SGCZ: variants seen among roughly 807,000 people sequenced by gnomAD.
SGCZ encodes the protein sarcoglycan zeta, also known as zeta-sarcoglycan.
In SGCZ, 40 loss-of-function variants were observed where a neutral mutation model predicts 41.3. The ratio of observed to expected loss-of-function variants is 0.97; its 90% CI spans 0.75 to 1.26. The LOEUF is 1.26. Among genes scored for constraint, SGCZ ranks in the 50% most tolerant of loss-of-function variants. The pLI, the probability that SGCZ is intolerant of heterozygous loss-of-function variation, is 0.00. For missense variants in SGCZ, 552 were observed against 369.8 expected (o/e 1.49, Z -4.04); for synonymous variants, 206 against 137.5 (o/e 1.50, Z -3.49).
At position 14,319,641 on chromosome 8, in the gene SGCZ, C is replaced by T. The variant is rs537015533; in HGVS notation, c.336+4462G>A. On this transcript the variant is annotated intron_variant, in intron 3 of 7. Transcript: ENST00000382080. ...TCCATAATATAAAGAAGACCACAGA[C>T]GATGAGTAACTGTAGCCATTTATAT... 15 of 152,074 alleles carry T rather than the reference C, an allele frequency of 9.9e-5. No homozygotes were observed. In the South Asian group the frequency reaches 2.1e-3, roughly 21 times the overall value. The allele number at this position is 152,074 out of a possible 1,614,324, so 9.4% of individuals were successfully genotyped here. A position where few individuals can be genotyped will look rare whatever the true frequency, so the allele number is the denominator to read the frequency against.
At chr8:14,762,793 G>A (rs1487751099) in intron 1 of SGCZ, among the ~76,000 whole-genome samples, 1 of 152,110 alleles carries the variant, frequency 6.6e-6, no homozygotes, top group Non-Finnish European at 1.5e-5. Context: ...AAGAAGTATT[G>A]GGCAAGCAAA....
intron 1 of SGCZ, among the ~76,000 whole-genome samples, chr8:15,000,717 A>G (rs1436717900): frequency 6.6e-6 from 1 of 152,152 alleles, no homozygotes; most frequent in Non-Finnish European, 1.5e-5. Flanking sequence ...CACTATGTAA[A>G]CAATATACCC....
intron 2 of SGCZ, among the ~76,000 whole-genome samples, chr8:14,443,865 T>A (rs1363863149): frequency 6.6e-6 from 1 of 151,920 alleles, no homozygotes; most frequent in African/African-American, 2.4e-5. Flanking sequence ...AACATCAGAG[T>A]GAACAGGCAA....
intron 1 of SGCZ, among the ~76,000 whole-genome samples, chr8:14,636,582 G>A (rs772656087): frequency 1.3e-5 from 2 of 151,864 alleles, no homozygotes; most frequent in Admixed American, 6.6e-5. Context: ...GTGGGTTGTG[G>A]ATAAAAGCTC....
At chr8:14,700,509 C>T (rs1443017432) in intron 1 of SGCZ, among the ~76,000 whole-genome samples, 1 of 151,846 alleles carries the variant, frequency 6.6e-6, no homozygotes, top group Non-Finnish European at 1.5e-5. Context: ...CTGCTGAGTA[C>T]ATGCTCACTA....
At chr8:15,156,057 CAAA>C (rs67378130) in intron 1 of SGCZ, among the ~76,000 whole-genome samples, 11 of 110,900 alleles carry the variant, frequency 9.9e-5, no homozygotes, top group African/African-American at 1.5e-4. Flanking sequence ...GATTCCCTCT[CAAA>C]AAAAAAAAAA....
chr8:14,628,803 A>G (rs373121951), intron 1 of SGCZ, among the ~76,000 whole-genome samples: 1 of 152,096 alleles, frequency 6.6e-6, no homozygotes, highest in Non-Finnish European at 1.5e-5. Flanking sequence ...CAAACTTCTG[A>G]CTTAAAATAA....
chr8:14,941,404 G>A (rs117179560), intron 1 of SGCZ, among the ~76,000 whole-genome samples: 6,337 of 152,056 alleles, frequency 0.042, 203 homozygotes, highest in Admixed American at 0.074. Context: ...TTCATACAGC[G>A]AAATATTACG....
At chr8:14,864,114 A>G (rs1430886848) in intron 1 of SGCZ, among the ~76,000 whole-genome samples, 1 of 152,178 alleles carries the variant, frequency 6.6e-6, no homozygotes, top group African/African-American at 2.4e-5. Flanking sequence ...CTTGAACTAG[A>G]TGCTCATTTA....
intron 4 of SGCZ, among the ~76,000 whole-genome samples, chr8:14,231,756 T>A (rs1302298959): frequency 6.6e-6 from 1 of 152,162 alleles, no homozygotes; most frequent in Non-Finnish European, 1.5e-5. Flanking sequence ...TTCTCCCTAT[T>A]AAACAAAATG....
chr8:14,463,215 T>C (rs1800951630), intron 2 of SGCZ, among the ~76,000 whole-genome samples: 2 of 151,276 alleles, frequency 1.3e-5, no homozygotes, highest in African/African-American at 2.4e-5. Context: ...TGTTGAATAA[T>C]ATTAGAATGG....
At chr8:15,090,217 T>C (rs1333742819) in intron 1 of SGCZ, among the ~76,000 whole-genome samples, 1 of 152,204 alleles carries the variant, frequency 6.6e-6, no homozygotes, top group African/African-American at 2.4e-5. Flanking sequence ...ATTTTCCCAT[T>C]TACTCACATA....
chr8:15,033,112 G>A (rs1731159701), intron 1 of SGCZ, among the ~76,000 whole-genome samples: 1 of 151,922 alleles, frequency 6.6e-6, no homozygotes, highest in South Asian at 2.1e-4. Context: ...CTCAGGTCCA[G>A]GCCTGCTTTA....
intron 4 of SGCZ, among the ~76,000 whole-genome samples, chr8:14,213,047 T>C (rs1810223155): frequency 6.6e-6 from 1 of 151,892 alleles, no homozygotes; most frequent in African/African-American, 2.4e-5. Context: ...AAAAAGTAAA[T>C]GGATTCTCAG....
chr8:14,693,293 CTT>C (rs10639083), intron 1 of SGCZ, among the ~76,000 whole-genome samples: 1 of 146,276 alleles, frequency 6.8e-6, no homozygotes, highest in African/African-American at 2.5e-5. Flanking sequence ...AATTGAATAC[CTT>C]TTTTTTTTTT....
chr8:14,549,532 A>G (rs1308326026), intron 2 of SGCZ, among the ~76,000 whole-genome samples: 2 of 152,136 alleles, frequency 1.3e-5, no homozygotes, highest in Non-Finnish European at 2.9e-5. Context: ...AAAAAAAGTC[A>G]GCGAAAAATA....
chr8:14,779,305 T>C (rs1800509764), intron 1 of SGCZ, among the ~76,000 whole-genome samples: 1 of 152,226 alleles, frequency 6.6e-6, no homozygotes, highest in African/African-American at 2.4e-5. Context: ...TCAGTTGCCA[T>C]GTTATGAGAA....
chr8:14,770,006 T>G (rs1224264715), intron 1 of SGCZ, among the ~76,000 whole-genome samples: 3 of 151,864 alleles, frequency 2.0e-5, no homozygotes, highest in Admixed American at 2.0e-4. Flanking sequence ...GAATATACCA[T>G]GCTCCCTTGT....
chr8:14,660,695 G>T, intron 1 of SGCZ, among the ~76,000 whole-genome samples: 1 of 152,018 alleles, frequency 6.6e-6, no homozygotes, highest in East Asian at 1.9e-4. Context: ...AGAGAGACCA[G>T]TGAAATAATA....
Sources: gnomAD v4.1 joint callset for allele counts (sites outside exome capture counted in the v4.1 genomes callset) on GRCh38, gnomAD v4.1.1 for gene constraint, MANE v1.5 for transcripts, NCBI Gene and HGNC (gene_info 2026-07-23, HGNC 2026-07-21) for gene names.